Variants in MROH2A observed in about 807,000 individuals in gnomAD.
MROH2A encodes the protein maestro heat like repeat family member 2A, also known as maestro heat-like repeat-containing protein family member 2A.
In MROH2A, 174 loss-of-function variants were observed where a neutral mutation model predicts 200.4. The ratio of observed to expected loss-of-function variants is 0.87; its 90% CI spans 0.77 to 0.98. The LOEUF (loss-of-function observed/expected upper bound fraction) is 0.98, where lower values mean the gene tolerates loss of function less well. MROH2A is among the 50% of genes least tolerant of loss of function. The pLI, the probability that MROH2A is intolerant of heterozygous loss-of-function variation, is 0.00. For synonymous variants in MROH2A, 829 were observed against 840.4 expected, an observed-to-expected ratio of 0.99 and a Z score of 0.23; for missense variants, 2,045 against 2,139.6, an observed-to-expected ratio of 0.96 and a Z score of 0.87.
intron 26 of MROH2A, among the ~76,000 whole-genome samples, chr2:233,815,969 G>A (rs975729335): frequency 2.0e-5 from 3 of 151,288 alleles, no homozygotes; most frequent in African/African-American, 7.3e-5. Context: ...GTTATTTAGA[G>A]ATTTTCAAAT....
intron 10 of MROH2A, 53 bp downstream of exon 10, chr2:233,796,098 C>T: frequency 6.5e-7 from 1 of 1,535,638 alleles, no homozygotes. Context: ...TGCAGGAGGC[C>T]TGTAGGAGTC....
At chr2:233,794,063 T>C (rs1701951745) in intron 7 of MROH2A, among the ~76,000 whole-genome samples, 1 of 152,186 alleles carries the variant, frequency 6.6e-6, no homozygotes. Context: ...GAGCACTTGT[T>C]ACATGCTGGG....
chr2:233,823,000 G>C lies in MROH2A; in HGVS notation c.3986G>C (p.Gly1329Ala), dbSNP rs1030983797. ...CAGGACGGCGGGACATTCCTGGAGGGTGTGAGCCTGCTGGCCAGGTGGGCC... is the reference window on the plus strand; with the variant it reads ...CAGGACGGCGGGACATTCCTGGAGGCTGTGAGCCTGCTGGCCAGGTGGGCC... ...LLQDGGTFLE[G>A]VSLLARLCMQ... Residue 1329 changes from glycine (G) to alanine (A), a missense_variant, in exon 34 of 42, where the codon GGT (glycine) becomes GCT (alanine). Around this residue, in one of 3 missense-constraint regions of MROH2A, gnomAD observed 1,201 missense variants for 1,311.3 expected, o/e 0.92. Transcript: ENST00000389758. 3.9e-6 allele frequency: 6 copies of C among 1,550,270 alleles called. No homozygotes were observed. In the African/African-American group the frequency reaches 8.2e-5, roughly 21 times the overall value.
intron 22 of MROH2A, among the ~76,000 whole-genome samples, 173 bp downstream of exon 22, chr2:233,809,451 G>A (rs544328543): frequency 7.0e-4 from 107 of 152,184 alleles, no homozygotes; most frequent in African/African-American, 2.4e-3. Flanking sequence ...GTGCTTTGGT[G>A]TCATGCAGAG....
chr2:233,776,808 T>C (rs1700720503), upstream of MROH2A, among the ~76,000 whole-genome samples: 1 of 152,228 alleles, frequency 6.6e-6, no homozygotes, highest in African/African-American at 2.4e-5. Context: ...TTCTCCAGCC[T>C]GTGGGTCCTG....
intron 3 of MROH2A, among the ~76,000 whole-genome samples, chr2:233,783,820 G>A (rs568301431): frequency 7.9e-5 from 12 of 152,228 alleles, no homozygotes; most frequent in Admixed American, 5.2e-4. Flanking sequence ...GGTTACAGAC[G>A]TGAGTGCCGG....
In MROH2A at chr2:233,798,767, C is replaced by T; in HGVS notation, c.1253-7C>T. 1 of 1,550,222 alleles carries T rather than the reference C, an allele frequency of 6.5e-7. No homozygotes were observed. The highest frequency in any genetic ancestry group is 8.7e-7 in the Non-Finnish European group (1 of 1,146,652). The stretch of plus-strand genomic sequence containing the variant: ...GCCCTCCAGCCCACCCAGTTTTCCT[C>T]TTTCAGAGCCCAGGATGAGTATCAG... On this transcript the variant is annotated splice_polypyrimidine_tract_variant and splice_region_variant and intron_variant, in intron 11 of 41. Coordinates refer to ENST00000389758, the MANE Select transcript of MROH2A (RefSeq NM_001394639.1).
At chr2:233,781,291 A>G (rs1167699952) in intron 3 of MROH2A, among the ~76,000 whole-genome samples, 2 of 152,142 alleles carry the variant, frequency 1.3e-5, no homozygotes, top group African/African-American at 4.8e-5. Context: ...ATCTAGTTTT[A>G]CTTTTTTTGA....
chr2:233,807,530 C>A lies in MROH2A; in HGVS notation c.2160C>A (p.Asp720Glu). The change falls in exon 20 of 42, where the codon GAC becomes GAA. Residue 720 changes from aspartate (D) to glutamate (E), a missense_variant. Transcript: ENST00000389758. The surrounding 1 kb of genome is among the most constrained non-coding windows in gnomAD (Gnocchi z 4.3). ...TGTACAAGACGGACTACAGCAATGA[C>A]TTTGACAGCGAGGTGAGGGTGCCTG... ...ELLYKTDYSN[D>E]FDSEGVIMCF... is the part of the protein sequence containing the mutation. 1.3e-6 allele frequency: 2 copies of A among 1,550,568 alleles called. No homozygotes were observed. The highest frequency in any genetic ancestry group is 1.2e-5 in the South Asian group (1 of 84,064).
chr2:233,794,296 G>A, intron 7 of MROH2A, 67 bp from the exon 8 acceptor site: 1 of 1,190,004 alleles, frequency 8.4e-7, no homozygotes, highest in South Asian at 1.4e-5. Flanking sequence ...TGTGGCTGGG[G>A]CTGAGGTCAC....
At chr2:233,805,847 AG>A (rs1314223810) in intron 19 of MROH2A, among the ~76,000 whole-genome samples, 5 of 152,330 alleles carry the variant, frequency 3.3e-5, no homozygotes, top group African/African-American at 1.2e-4. Flanking sequence ...AAATGGGGCT[AG>A]GGTAACTAGA....
chr2:233,780,308 C>G (rs1312003644), intron 3 of MROH2A, among the ~76,000 whole-genome samples: 1 of 152,202 alleles, frequency 6.6e-6, no homozygotes, highest in South Asian at 2.1e-4. Context: ...AGGTTTTGGA[C>G]TAGACAAGGG....
intron 17 of MROH2A, 121 bp from the exon 18 acceptor site, chr2:233,804,374 A>G (rs974277645): frequency 1.5e-6 from 2 of 1,315,254 alleles, no homozygotes; most frequent in Admixed American, 4.1e-5. Context: ...GCAACGTGTG[A>G]TGTGTTCATC....
intron 1 of MROH2A, among the ~76,000 whole-genome samples, chr2:233,778,900 T>C (rs1487508040): frequency 1.3e-5 from 2 of 152,204 alleles, no homozygotes; most frequent in African/African-American, 4.8e-5. Flanking sequence ...CTTGGTCCTT[T>C]GTTTAGGGTC....
At chr2:233,785,991 A>G (rs1370005297) in intron 3 of MROH2A, among the ~76,000 whole-genome samples, 1 of 152,198 alleles carries the variant, frequency 6.6e-6, no homozygotes, top group African/African-American at 2.4e-5. Flanking sequence ...CATAATTCCC[A>G]CATGTTGTGG....
At position 233,787,895 on chromosome 2, in the gene MROH2A, TTATATATACATATATATTA is replaced by T. The variant is rs1701396410; in HGVS notation, c.277-1576_277-1558del. On this transcript the variant is annotated intron_variant, in intron 3 of 41. Transcript: ENST00000389758. ...CATATATATTATATATACATATATA[TTATATATACATATATATTA>T]TATATATACATATATATTATATATA... is the stretch of plus-strand genomic sequence containing the variant. Among the ~76,000 whole-genome samples, 11 of 37,502 alleles carry T rather than the reference TTATATATACATATATATTA, an allele frequency of 2.9e-4. 1 individual carries two copies. The highest frequency in any genetic ancestry group is 1.5e-3 in the African/African-American group (11 of 7,182). The allele number at this position is 37,502 out of a possible 152,430, so 24.6% of individuals were successfully genotyped here.
Position 233,822,222 on chromosome 2 carries a change from C to G in MROH2A, c.3611C>G (p.Pro1204Arg), listed in dbSNP as rs1050114712. Residue 1204 changes from proline to arginine, a missense_variant, in exon 32 of 42, where the codon CCC (proline) becomes CGC (arginine). Physicochemically the swap from Pro to Arg is moderately radical, Grantham distance 103. Transcript: ENST00000389758. ...GGCCGGCTGCAGTCACGGCTCAGCCCCAGAATCAGTGCCACCTCCAAGGCT... is the reference window on the plus strand; with the variant it reads ...GGCCGGCTGCAGTCACGGCTCAGCCGCAGAATCAGTGCCACCTCCAAGGCT... ...LMGRLQSRLS[P>R]RISATSKADI... is the part of the protein sequence containing the mutation. 1.9e-6 allele frequency: 3 copies of G among 1,548,166 alleles called. No homozygotes were observed. The highest frequency in any genetic ancestry group is 2.4e-5 in the South Asian group (2 of 84,064).
At position 233,819,890 on chromosome 2, in the gene MROH2A, A is replaced by G. The variant is rs1336753630; in HGVS notation, c.3358-12A>G. On this transcript the variant is annotated splice_polypyrimidine_tract_variant and intron_variant, in intron 30 of 41. Transcript: ENST00000389758. ...CTGGGCTGCCCCCCGGTGATGCCCC[A>G]TCCCTACCTAGGTGGCCGAGATCCT... The G allele has an allele frequency of 4.7e-6, 7 of 1,497,488 alleles. No homozygotes were observed. The highest frequency in any genetic ancestry group is 1.4e-5 in the African/African-American group (1 of 71,814). 92.8% of individuals were successfully genotyped at this position (1,497,488 alleles called of 1,614,324 possible). A position where few individuals can be genotyped will look rare whatever the true frequency, so the allele number is the denominator to read the frequency against.
chr2:233,831,316 C>A, intron 38 of MROH2A, 93 bp from the exon 39 acceptor site: 2 of 1,413,100 alleles, frequency 1.4e-6, no homozygotes, highest in Non-Finnish European at 1.9e-6. Flanking sequence ...TGAGGCTTTT[C>A]TGGGGCTGCC....
Sources: allele counts gnomAD v4.1 joint callset (sites outside exome capture counted in the v4.1 genomes callset), GRCh38; gene constraint gnomAD v4.1.1; regional missense constraint gnomAD v4.1.1; non-coding constraint Gnocchi (gnomAD v3.1); transcripts MANE v1.5; gene names NCBI Gene and HGNC (gene_info 2026-07-23, HGNC 2026-07-21).